CCDC138: variants seen among roughly 807,000 people sequenced by gnomAD.
The protein encoded by CCDC138 is coiled-coil domain-containing protein 138.
In CCDC138, 66 loss-of-function variants were observed where a neutral mutation model predicts 82.3. The observed-to-expected ratio is 0.80, with a 90% CI of 0.66 to 0.98. CCDC138 has a LOEUF of 0.98. Ranked by LOEUF, CCDC138 falls within the 50% of genes least tolerant of loss-of-function variation. The pLI is 0.00. For missense variants in CCDC138, 816 were observed against 758.9 expected (o/e 1.08, Z -0.88); for synonymous variants, 297 against 265.4 (o/e 1.12, Z -1.16).
chr2:108,849,412 A>C (rs1369094670), intron 12 of CCDC138, among the ~76,000 whole-genome samples: 1 of 152,088 alleles, frequency 6.6e-6, no homozygotes, highest in Non-Finnish European at 1.5e-5. Context: ...CCTCCTCTAG[A>C]TACATGTGTG....
At chr2:108,816,749 G>A (rs556905601) in intron 10 of CCDC138, among the ~76,000 whole-genome samples, 25 of 152,280 alleles carry the variant, frequency 1.6e-4, no homozygotes, top group African/African-American at 5.8e-4. Flanking sequence ...AGGCTGGAGT[G>A]CAGTGGCCCA....
chr2:108,853,133 G>A (rs72836520), intron 12 of CCDC138, among the ~76,000 whole-genome samples: 3,151 of 152,272 alleles, frequency 0.021, 41 homozygotes, highest in Non-Finnish European at 0.034. Flanking sequence ...AAGATAAATA[G>A]CTGATAGACC....
chr2:108,787,037 C>G (rs993189974), intron 1 of CCDC138, 122 bp downstream of exon 1: 3 of 525,328 alleles, frequency 5.7e-6, no homozygotes, highest in Non-Finnish European at 8.9e-6. Flanking sequence ...GCACTCCCGC[C>G]GTGGCTGCGG....
chr2:108,869,551 G>A (rs561752257), intron 13 of CCDC138, among the ~76,000 whole-genome samples: 1 of 152,190 alleles, frequency 6.6e-6, no homozygotes, highest in East Asian at 1.9e-4. Context: ...AAAACTGCAG[G>A]GAGACTACAG....
At chr2:108,825,558 G>A (rs10190977) in intron 10 of CCDC138, among the ~76,000 whole-genome samples, 127,492 of 152,182 alleles carry the variant, frequency 0.84, 53,467 homozygotes, top group East Asian at 0.95. Flanking sequence ...AAACAGATTC[G>A]TACAATACGT....
chr2:108,862,462 T>C (rs902998588), intron 13 of CCDC138, among the ~76,000 whole-genome samples: 1 of 152,144 alleles, frequency 6.6e-6, no homozygotes, highest in Non-Finnish European at 1.5e-5. Context: ...GATTTTCAGA[T>C]TAGGGATGCT....
At chr2:108,832,890 C>T (rs886642372) in intron 10 of CCDC138, among the ~76,000 whole-genome samples, 1 of 152,074 alleles carries the variant, frequency 6.6e-6, no homozygotes, top group African/African-American at 2.4e-5. Flanking sequence ...TGTTCTAGAA[C>T]TATACTGGCA....
chr2:108,853,933 T>TATATA (rs1474682551), intron 12 of CCDC138, among the ~76,000 whole-genome samples: 3 of 123,848 alleles, frequency 2.4e-5, no homozygotes, highest in African/African-American at 9.3e-5. Context: ...TTATATATAA[T>TATATA]TTATATATAA....
In CCDC138 at chr2:108,846,852, A is replaced by G. The variant is rs1558723963; in HGVS notation, c.1438A>G (p.Thr480Ala). 3 of 1,613,770 alleles carry G rather than the reference A, an allele frequency of 1.9e-6. No homozygotes were observed. Among genetic ancestry groups the G allele is most frequent in the Admixed American group, 3.3e-5 (2 of 59,950 alleles). Residue 480 changes from threonine (T) to alanine (A), a missense_variant, in exon 12 of 15, where the codon ACA becomes GCA. Thr to Ala is a moderately conservative substitution (Grantham distance 58). Coordinates refer to ENST00000295124, the MANE Select transcript of CCDC138 (RefSeq NM_144978.3). Reference sequence around the variant, plus strand: ...GCATTCTGTGGAGAATAAACCAAAGACAGCTGCTTTCTTTAAGAGCTCCAA... The same window carrying G: ...GCATTCTGTGGAGAATAAACCAAAGGCAGCTGCTTTCTTTAAGAGCTCCAA... ...PQHSVENKPK[T>A]AAFFKSSNLP... is the part of the protein sequence containing the mutation.
intron 1 of CCDC138, 104 bp downstream of exon 1, chr2:108,787,019 C>T (rs1028592088): frequency 1.5e-6 from 1 of 666,350 alleles, no homozygotes. Flanking sequence ...GCTCTGGTCC[C>T]GGCCCCGGCA....
chr2:108,804,022 C>T (rs991470416), intron 6 of CCDC138, among the ~76,000 whole-genome samples: 8 of 152,030 alleles, frequency 5.3e-5, no homozygotes, highest in African/African-American at 1.2e-4. Context: ...GGATTTTTTT[C>T]ACAGGGCTAA....
downstream of CCDC138, among the ~76,000 whole-genome samples, chr2:108,878,659 A>C (rs1316091569): frequency 6.6e-6 from 1 of 152,234 alleles, no homozygotes; most frequent in Non-Finnish European, 1.5e-5. Flanking sequence ...TTATTTGAAA[A>C]AAATTGTTTT....
chr2:108,812,771 C>G (rs1387076474), intron 8 of CCDC138, 49 bp from the exon 9 acceptor site: 1 of 1,611,084 alleles, frequency 6.2e-7, no homozygotes, highest in Non-Finnish European at 8.5e-7. Context: ...TTTGAGTTTA[C>G]TCATTTAGAT....
chr2:108,799,097 C>G (rs895429315), intron 6 of CCDC138, among the ~76,000 whole-genome samples: 1 of 152,040 alleles, frequency 6.6e-6, no homozygotes, highest in Non-Finnish European at 1.5e-5. Flanking sequence ...AAGATTCATG[C>G]GTTATATTTG....
chr2:108,797,147 A>G (rs958639852), intron 5 of CCDC138, among the ~76,000 whole-genome samples: 1 of 152,216 alleles, frequency 6.6e-6, no homozygotes, highest in Admixed American at 6.5e-5. Flanking sequence ...TTGAGTGGAT[A>G]TAATTAAGCA....
At chr2:108,815,477 T>TG (rs1475844620) in intron 9 of CCDC138, among the ~76,000 whole-genome samples, 5 of 143,234 alleles carry the variant, frequency 3.5e-5, no homozygotes, top group African/African-American at 1.3e-4. Flanking sequence ...TTTTTTTTTT[T>TG]TTTTTTTGAG....
intron 7 of CCDC138, among the ~76,000 whole-genome samples, chr2:108,812,042 AT>A (rs922409207): frequency 5.9e-5 from 9 of 152,304 alleles, no homozygotes; most frequent in Admixed American, 2.6e-4. Context: ...TAATAAAAAA[AT>A]AATTGGATAC....
Position 108,794,718 on chromosome 2 carries a change from G to T in CCDC138, c.573G>T (p.Leu191Phe). The T allele has an allele frequency of 6.2e-7, 1 of 1,602,190 alleles. No individual in the cohort carries two copies. The highest frequency in any genetic ancestry group is 1.3e-5 in the African/African-American group (1 of 74,648). The change falls in exon 5 of 15, where the codon TTG (leucine) becomes TTT (phenylalanine). Residue 191 changes from leucine (L) to phenylalanine (F), a missense_variant. Physicochemically the swap from Leu to Phe is conservative, Grantham distance 22. Coordinates refer to ENST00000295124, the MANE Select transcript of CCDC138 (RefSeq NM_144978.3). ...AATTATTTCAGATACATCTGAAATT[G>T]CAGGTAAGAACTAAATACTGAATCG... ...YDELFQIHLK[L>F]QCETAAQQKF...
chr2:108,864,087 C>G (rs1467761506), intron 13 of CCDC138, among the ~76,000 whole-genome samples: 2 of 151,952 alleles, frequency 1.3e-5, no homozygotes, highest in African/African-American at 4.8e-5. Flanking sequence ...GTGTGTAACA[C>G]TAGTGAGCCC....
Sources: gnomAD v4.1 joint callset for allele counts (sites outside exome capture counted in the v4.1 genomes callset) on GRCh38, gnomAD v4.1.1 for gene constraint, MANE v1.5 for transcripts, NCBI Gene and HGNC (gene_info 2026-07-23, HGNC 2026-07-21) for gene names.